TPD52L1: variants seen among roughly 807,000 people sequenced by gnomAD.
TPD52L1 encodes tumor protein D53.
In TPD52L1, 18 loss-of-function variants were observed where a neutral mutation model predicts 28.7. The observed-to-expected ratio is 0.63, with a 90% CI of 0.43 to 0.93. The LOEUF is 0.93. Among genes scored for constraint, TPD52L1 ranks in the 40% least tolerant of loss-of-function variants. The pLI is 0.00. For missense variants in TPD52L1, 203 were observed against 254.8 expected, an observed-to-expected ratio of 0.80 and a Z score of 1.39; for synonymous variants, 75 against 88.8, an observed-to-expected ratio of 0.84 and a Z score of 0.88.
At position 125,257,301 on chromosome 6, in the gene TPD52L1, G is replaced by A. The variant is rs1398385981; in HGVS notation, c.486+143G>A. The A allele has an allele frequency of 6.7e-6, 4 of 594,296 alleles. No individual in the cohort carries two copies. The East Asian group carries it at 1.1e-4, about 17-fold the overall frequency. The allele number at this position is 594,296 out of a possible 1,614,324, so 36.8% of individuals were successfully genotyped here. A position where few individuals can be genotyped will look rare whatever the true frequency, so the allele number is the denominator to read the frequency against. ...CCTTTTCTTTCACATATAAATCTAT[G>A]AATAAAACCACTATTGAATAGTGTT... On this transcript the variant is annotated intron_variant, in intron 6 of 6. Coordinates refer to ENST00000534000, the MANE Select transcript of TPD52L1 (RefSeq NM_003287.4).
intron 6 of TPD52L1, chr6:125,260,973 A>AAGG (rs1562409926): frequency 2.2e-5 from 1 of 44,500 alleles, no homozygotes; most frequent in African/African-American, 1.9e-4. Context: ...AGAAAGAAAG[A>AAGG]AAGAAAAGAA....
intron 3 of TPD52L1, among the ~76,000 whole-genome samples, chr6:125,235,557 A>G (rs1796214727): frequency 6.6e-6 from 1 of 152,160 alleles, no homozygotes. Flanking sequence ...CTATGGTGTG[A>G]GTGCTGCTCC....
intron 4 of TPD52L1, chr6:125,252,167 G>A (rs1418634827): frequency 4.0e-6 from 4 of 1,010,966 alleles, no homozygotes; most frequent in African/African-American, 1.6e-5. Flanking sequence ...GACAGTTCCC[G>A]TGACCAGGAA....
chr6:125,169,563 G>C (rs564165283), intron 1 of TPD52L1, among the ~76,000 whole-genome samples: 28 of 152,218 alleles, frequency 1.8e-4, no homozygotes, highest in Admixed American at 8.5e-4. Context: ...GTTTAGCTTT[G>C]TTTTCCCTCC....
rs1213779769 is a variant in TPD52L1 at position 125,252,243 on chromosome 6, C to A, written c.387-1474C>A. The A allele has an allele frequency of 1.3e-5, 7 of 527,780 alleles. No individual in the cohort carries two copies. In the East Asian group the frequency reaches 2.2e-4, roughly 17 times the overall value. 32.7% of individuals were successfully genotyped at this position (527,780 alleles called of 1,614,324 possible). A position where few individuals can be genotyped will look rare whatever the true frequency, so the allele number is the denominator to read the frequency against. On this transcript the variant is annotated intron_variant, in intron 4 of 6. Coordinates refer to ENST00000534000, the MANE Select transcript of TPD52L1 (RefSeq NM_003287.4). The stretch of plus-strand genomic sequence containing the variant: ...GTACATCTCTATCTCATTTCTGAAT[C>A]ATTTACACCATTTCACTTGCTGAGC...
At chr6:125,163,889 C>T (rs910233582) in intron 1 of TPD52L1, among the ~76,000 whole-genome samples, 1 of 148,588 alleles carries the variant, frequency 6.7e-6, no homozygotes, top group Non-Finnish European at 1.5e-5. Context: ...TACACTCCAG[C>T]CTGGGTGACA....
At chr6:125,229,321 G>T in intron 3 of TPD52L1, 55 bp downstream of exon 3, 1 of 1,479,952 alleles carries the variant, frequency 6.8e-7, no homozygotes, top group Non-Finnish European at 9.0e-7. Context: ...TCCTCACTCT[G>T]TTGTGTTTTG....
At chr6:125,248,476 T>A (rs1249826136) in intron 4 of TPD52L1, 93 bp downstream of exon 4, 14 of 821,230 alleles carry the variant, frequency 1.7e-5, no homozygotes, top group Non-Finnish European at 2.8e-5. Flanking sequence ...TCAACATATG[T>A]ATTTTTTTAT....
At chr6:125,259,297 C>A (rs1005215955) in intron 6 of TPD52L1, among the ~76,000 whole-genome samples, 4 of 152,182 alleles carry the variant, frequency 2.6e-5, no homozygotes, top group Non-Finnish European at 5.9e-5. Flanking sequence ...AAATAAGGTT[C>A]TGCTATAAAG....
At position 125,153,894 on chromosome 6, in the gene TPD52L1, C is replaced by T; in HGVS notation, c.-58C>T. On this transcript the variant is annotated 5_prime_UTR_variant, in exon 1 of 7. Coordinates refer to ENST00000534000, the MANE Select transcript of TPD52L1 (RefSeq NM_003287.4). The stretch of plus-strand genomic sequence containing the variant: ...GCGTTCTGAGCCTGGGCGCAGCTGC[C>T]ATCTGCTCTGGGAAGCACCAGGGTG... The T allele has an allele frequency of 1.9e-6, 3 of 1,567,178 alleles. No homozygotes were observed. Among genetic ancestry groups the T allele is most frequent in the Non-Finnish European group, 1.7e-6 (2 of 1,162,458 alleles).
chr6:125,218,631 G>A lies in TPD52L1; in HGVS notation c.20-1447G>A, dbSNP rs924972656. ...TCCGTTTTTCATGGTTTGCCTTTTTGTGTCTTAAGAAGTCCCTTCCTAACC... is the reference window on the plus strand; with the variant it reads ...TCCGTTTTTCATGGTTTGCCTTTTTATGTCTTAAGAAGTCCCTTCCTAACC... On this transcript the variant is annotated intron_variant, in intron 1 of 6. Transcript: ENST00000534000. Among the ~76,000 whole-genome samples, 18 of 152,032 alleles carry A rather than the reference G, an allele frequency of 1.2e-4. 1 individual carries two copies. Among genetic ancestry groups the A allele is most frequent in the Admixed American group, 2.0e-4 (3 of 15,274 alleles).
intron 1 of TPD52L1, among the ~76,000 whole-genome samples, chr6:125,203,049 T>C (rs1793892292): frequency 6.6e-6 from 1 of 152,158 alleles, no homozygotes. Context: ...CTTGTCAGGT[T>C]TGGCTTCCTT....
At chr6:125,188,972 C>G (rs1288111963) in intron 1 of TPD52L1, among the ~76,000 whole-genome samples, 1 of 152,216 alleles carries the variant, frequency 6.6e-6, no homozygotes, top group African/African-American at 2.4e-5. Flanking sequence ...CCTTGCAATA[C>G]TTTTAGAGAA....
Position 125,263,123 on chromosome 6 carries a change from T to A in TPD52L1, c.*161T>A, listed in dbSNP as rs1236606569. 5 of 851,326 alleles carry A rather than the reference T, an allele frequency of 5.9e-6. No homozygotes were observed. The East Asian group carries it at 8.2e-5, about 14-fold the overall frequency. 52.7% of individuals were successfully genotyped at this position (851,326 alleles called of 1,614,324 possible). A position where few individuals can be genotyped will look rare whatever the true frequency, so the allele number is the denominator to read the frequency against. ...CAGAAAGTTTAATGATTTCCATTTG[T>A]ATTTGTGTTGATGATGGACCACTTG... On this transcript the variant is annotated 3_prime_UTR_variant, in exon 7 of 7. Coordinates refer to ENST00000534000, the MANE Select transcript of TPD52L1 (RefSeq NM_003287.4).
At chr6:125,172,827 G>T (rs1476424869) in intron 1 of TPD52L1, among the ~76,000 whole-genome samples, 1 of 151,392 alleles carries the variant, frequency 6.6e-6, no homozygotes, top group Non-Finnish European at 1.5e-5. Context: ...AATAAAGTAA[G>T]CTATAATGTT....
At chr6:125,243,858 T>A (rs1187208902) in intron 3 of TPD52L1, among the ~76,000 whole-genome samples, 1 of 152,174 alleles carries the variant, frequency 6.6e-6, no homozygotes, top group Non-Finnish European at 1.5e-5. Flanking sequence ...CTTTCATGGG[T>A]GTTATAGAAC....
rs1369254036 is a variant in TPD52L1 at position 125,171,924 on chromosome 6, G to T, written c.19+17954G>T. 2.0e-5 allele frequency among the ~76,000 whole-genome samples: 3 copies of T among 150,764 alleles called. No homozygotes were observed. The East Asian group carries it at 6.6e-4, about 33-fold the overall frequency. On this transcript the variant is annotated intron_variant, in intron 1 of 6. Coordinates refer to ENST00000534000, the MANE Select transcript of TPD52L1 (RefSeq NM_003287.4). Reference sequence around the variant, plus strand: ...GGGCTCCGTGTGAGAGGAGAGGATGGGATGTATATTTTTTTTTGTGCTCTT... The same window carrying T: ...GGGCTCCGTGTGAGAGGAGAGGATGTGATGTATATTTTTTTTTGTGCTCTT...
chr6:125,205,870 T>G (rs941749128), intron 1 of TPD52L1, among the ~76,000 whole-genome samples: 1 of 152,226 alleles, frequency 6.6e-6, no homozygotes, highest in African/African-American at 2.4e-5. Context: ...GACCTCTATA[T>G]GTAATAGCAC....
At chr6:125,253,377 G>A (rs550525594) in intron 4 of TPD52L1, 7 of 314,828 alleles carry the variant, frequency 2.2e-5, no homozygotes, top group Non-Finnish European at 4.1e-5. Flanking sequence ...CTGAGCAGAA[G>A]GGAGTAGAGA....
Sources: allele counts gnomAD v4.1 joint callset (sites outside exome capture counted in the v4.1 genomes callset), GRCh38; gene constraint gnomAD v4.1.1; transcripts MANE v1.5; gene names NCBI Gene and HGNC (gene_info 2026-07-23, HGNC 2026-07-21).